The following PIGA variants were observed in gnomAD, a reference collection of about 807,000 sequenced individuals.
The protein encoded by PIGA is phosphatidylinositol N-acetylglucosaminyltransferase subunit A.
A neutral mutation model predicts 17.1 loss-of-function variants in PIGA; 3 were observed. The ratio of observed to expected loss-of-function variants is 0.18; its 90% CI spans 0.08 to 0.45. The LOEUF is 0.45. PIGA is among the 20% of genes least tolerant of loss of function. The pLI, the probability that PIGA is intolerant of heterozygous loss-of-function variation, is 0.99. For missense variants in PIGA, 231 were observed against 374.1 expected, an observed-to-expected ratio of 0.62 and a Z score of 3.16; for synonymous variants, 126 against 135.1, an observed-to-expected ratio of 0.93 and a Z score of 0.47.
Position 15,319,776 on chromosome X carries a change from G to C in PIGA, c.*1730C>G, listed in dbSNP as rs1342662723. 5.4e-5 allele frequency: 6 copies of C among 111,806 alleles called. No individual in the cohort carries two copies. In the East Asian group the frequency reaches 8.3e-4, roughly 15 times the overall value. The allele number at this position is 111,806 out of a possible 1,213,427, so 9.2% of individuals were successfully genotyped here. A position where few individuals can be genotyped will look rare whatever the true frequency, so the allele number is the denominator to read the frequency against. On this transcript the variant is annotated 3_prime_UTR_variant, in exon 6 of 6. Transcript: ENST00000333590. ...GCAAATCACATGTTTTACAGGCAAA[G>C]GCAACTAACTTTAGATCTTATTTCC...
chrX:15,328,265 T>G (rs1471988514), intron 2 of PIGA: 1 of 111,953 alleles, frequency 8.9e-6, no homozygotes, highest in Non-Finnish European at 1.9e-5. Flanking sequence ...TACCCTACAG[T>G]TGTTGGGAGG....
At position 15,320,118 on chromosome X, in the gene PIGA, C is replaced by A. The variant is rs1378091582; in HGVS notation, c.*1388G>T. 8.9e-6 allele frequency: 1 copy of A among 112,642 alleles called. No homozygotes were observed. The highest frequency in any genetic ancestry group is 1.9e-5 in the Non-Finnish European group (1 of 53,278). The allele number at this position is 112,642 out of a possible 1,213,427, so 9.3% of individuals were successfully genotyped here. On this transcript the variant is annotated 3_prime_UTR_variant, in exon 6 of 6. Transcript: ENST00000333590. ...GTACAAACAAAACACAAATATATTTCTTTTATATCAGTGCAACCAGTTAAT... is the reference window on the plus strand; with the variant it reads ...GTACAAACAAAACACAAATATATTTATTTTATATCAGTGCAACCAGTTAAT...
chrX:15,333,960 C>T (rs914729903), intron 1 of PIGA, among the ~76,000 whole-genome samples: 6 of 111,397 alleles, frequency 5.4e-5, no homozygotes, highest in Non-Finnish European at 3.8e-5. Context: ...TTTAGTACTA[C>T]TGTACATTCT....
At chrX:15,325,847 TGC>T in intron 3 of PIGA, 65 bp downstream of exon 3, 1 of 895,011 alleles carries the variant, frequency 1.1e-6, no homozygotes, top group Non-Finnish European at 1.6e-6. Context: ...AAGGTACGCA[TGC>T]AGTTAAAACC....
intron 3 of PIGA, 174 bp downstream of exon 3, chrX:15,325,729 TGAATTAACTAG>T (rs781770212): frequency 1.3e-5 from 4 of 302,045 alleles, no homozygotes; most frequent in Non-Finnish European, 2.3e-5. Context: ...GAAAAAATAG[TGAATTAACTAG>T]GTTTCCTATT....
At position 15,335,494 on chromosome X, in the gene PIGA, C is replaced by A. The variant is rs1347328011; in HGVS notation, c.-63+7G>T. ...CGCTGGAGAGGGGCGGCGCGACGCG[C>A]ACTCACCGGTGAGTTCCATGGCCGC... On this transcript the variant is annotated splice_region_variant and intron_variant, in intron 1 of 5. Coordinates refer to ENST00000333590, the MANE Select transcript of PIGA (RefSeq NM_002641.4). 1 of 983,832 alleles carries A rather than the reference C, an allele frequency of 1.0e-6. No individual in the cohort carries two copies. 81.1% of individuals were successfully genotyped at this position (983,832 alleles called of 1,213,427 possible).
intron 3 of PIGA, chrX:15,325,708 T>C (rs1314120928): frequency 3.6e-6 from 1 of 275,926 alleles, no homozygotes; most frequent in African/African-American, 2.8e-5. Context: ...TCAAATAATA[T>C]TGGGCTAATG....
chrX:15,324,366 T>G (rs1026100023), intron 5 of PIGA, among the ~76,000 whole-genome samples: 1 of 112,422 alleles, frequency 8.9e-6, no homozygotes, highest in Admixed American at 9.4e-5. Context: ...AAGAGTAGAT[T>G]TAATACTCGT....
intron 1 of PIGA, among the ~76,000 whole-genome samples, chrX:15,333,805 G>C (rs781748224): frequency 8.9e-6 from 1 of 112,424 alleles, no homozygotes; most frequent in Non-Finnish European, 1.9e-5. Context: ...AACTCAATGA[G>C]TGTCCCTCCC....
In PIGA at chrX:15,331,635, T is replaced by C; in HGVS notation, c.296A>G (p.Asn99Ser). 2.5e-6 allele frequency: 3 copies of C among 1,211,551 alleles called. No homozygotes were observed. Among genetic ancestry groups the C allele is most frequent in the Non-Finnish European group, 3.4e-6 (3 of 895,290 alleles). The change falls in exon 2 of 6, where the codon AAC becomes AGC. Residue 99 changes from asparagine (N) to serine (S), a missense_variant. Asn to Ser is a conservative substitution (Grantham distance 46). Around this residue, in one of 5 missense-constraint regions of PIGA, gnomAD observed 29 missense variants for 36.6 expected, o/e 0.79. Transcript: ENST00000333590. ...AAAGAGGGTCGTGGCTGTAGACTGG[T>C]TGTACATGACTTTCAGAGGCAAGTA... ...VYYLPLKVMY[N>S]QSTATTLFHS...
rs1921912832 is a variant in PIGA, at chrX:15,324,564, A to G, written c.1188+101T>C. On this transcript the variant is annotated intron_variant, in intron 5 of 5. Coordinates refer to ENST00000333590, the MANE Select transcript of PIGA (RefSeq NM_002641.4). ...GGAAGAGATTTCATCAACTTAAGCA[A>G]TAGAACAAAAATGGTAAACATCTAT... 2.4e-5 allele frequency: 15 copies of G among 613,975 alleles called. No individual in the cohort carries two copies. In the Admixed American group the frequency reaches 3.5e-4, roughly 14 times the overall value. 50.6% of individuals were successfully genotyped at this position (613,975 alleles called of 1,213,427 possible).
intron 5 of PIGA, among the ~76,000 whole-genome samples, chrX:15,323,769 G>A (rs1921887882): frequency 8.9e-6 from 1 of 111,797 alleles, no homozygotes; most frequent in Non-Finnish European, 1.9e-5. Context: ...GCTCCAACTT[G>A]CTATCTACTC....
chrX:15,322,410 T>C (rs1311582623), intron 5 of PIGA, among the ~76,000 whole-genome samples: 6 of 112,144 alleles, frequency 5.4e-5, no homozygotes, highest in Admixed American at 1.9e-4. Flanking sequence ...TTTCAGTAGA[T>C]AGTATAGGTC....
chrX:15,331,720 T>C lies in PIGA; in HGVS notation c.211A>G (p.Thr71Ala). 1 of 1,212,057 alleles carries C rather than the reference T, an allele frequency of 8.3e-7. No homozygotes were observed. Among genetic ancestry groups the C allele is most frequent in the Non-Finnish European group, 1.1e-6 (1 of 895,552 alleles). Reference protein sequence around the residue: ...IERGHKVIIVTHAYGNRKGIR... With the variant: ...IERGHKVIIVAHAYGNRKGIR... ...CCTTTTCGATTTCCATAAGCATGGG[T>C]GACAATTATAACCTTATGCCCTCTT... is the stretch of plus-strand genomic sequence containing the variant. The change falls in exon 2 of 6, where the codon ACC becomes GCC. Residue 71 changes from threonine to alanine, a missense_variant. Physicochemically the swap from Thr to Ala is moderately conservative, Grantham distance 58 (BLOSUM62 0). Coordinates refer to ENST00000333590, the MANE Select transcript of PIGA (RefSeq NM_002641.4).
chrX:15,325,842 A>G, intron 3 of PIGA, 72 bp downstream of exon 3: 1 of 816,735 alleles, frequency 1.2e-6, no homozygotes, highest in Non-Finnish European at 1.8e-6. Context: ...CACCTAAGGT[A>G]CGCATGCAGT....
chrX:15,328,285 G>C (rs1411588103), intron 2 of PIGA: 1 of 111,964 alleles, frequency 8.9e-6, no homozygotes, highest in Non-Finnish European at 1.9e-5. Flanking sequence ...GGTCAAATGA[G>C]GTATTGTACC....
chrX:15,329,729 T>C (rs1487305737), intron 2 of PIGA, among the ~76,000 whole-genome samples: 1 of 111,430 alleles, frequency 9.0e-6, no homozygotes, highest in Non-Finnish European at 1.9e-5. Flanking sequence ...TGTCAGACTT[T>C]TAGTAAACAA....
intron 2 of PIGA, among the ~76,000 whole-genome samples, chrX:15,329,682 T>C (rs1294518081): frequency 1.8e-5 from 2 of 111,767 alleles, no homozygotes; most frequent in Non-Finnish European, 3.8e-5. Context: ...GGTTTTCAAA[T>C]AGCACTCAGA....
rs974656809 is a variant in PIGA, at chrX:15,325,399, C to T, written c.849-247G>A. ...TACACATATCAAACTTTATCTTCTC[C>T]AAAACTAGTCTGTATGTAATAATAT... On this transcript the variant is annotated intron_variant, in intron 3 of 5. Transcript: ENST00000333590. 1.3e-5 allele frequency: 3 copies of T among 234,869 alleles called. No individual in the cohort carries two copies. In the Admixed American group the frequency reaches 2.0e-4, roughly 16 times the overall value. The allele number at this position is 234,869 out of a possible 1,213,427, so 19.4% of individuals were successfully genotyped here. A position where few individuals can be genotyped will look rare whatever the true frequency, so the allele number is the denominator to read the frequency against.
Sources: gnomAD v4.1 joint callset for allele counts (sites outside exome capture counted in the v4.1 genomes callset) on GRCh38, gnomAD v4.1.1 for gene constraint, gnomAD v4.1.1 regional missense constraint, MANE v1.5 for transcripts, NCBI Gene and HGNC (gene_info 2026-07-23, HGNC 2026-07-21) for gene names.